Variants in RBFOX1 observed in about 807,000 individuals in gnomAD.
The protein encoded by RBFOX1 is RNA binding protein fox-1 homolog 1.
A neutral mutation model predicts 57.7 loss-of-function variants in RBFOX1; 8 were observed. The ratio of observed to expected loss-of-function variants is 0.14; its 90% CI spans 0.08 to 0.25. The LOEUF is 0.25. Ranked by LOEUF, RBFOX1 falls within the 10% of genes least tolerant of loss-of-function variation. The pLI is 1.00. For missense variants in RBFOX1, 611 were observed against 548.5 expected, an observed-to-expected ratio of 1.11 and a Z score of -1.14; for synonymous variants, 326 against 222.4, an observed-to-expected ratio of 1.47 and a Z score of -4.15.
chr16:6,686,355 T>C (rs1449781463), intron 3 of RBFOX1, among the ~76,000 whole-genome samples: 1 of 152,226 alleles, frequency 6.6e-6, no homozygotes, highest in East Asian at 1.9e-4. Context: ...CTTTGCTTTA[T>C]TGATGCTTCA....
intron 4 of RBFOX1, among the ~76,000 whole-genome samples, chr16:7,463,793 C>T (rs72771188): frequency 1.3e-5 from 2 of 152,142 alleles, no homozygotes; most frequent in Admixed American, 6.5e-5. Context: ...GCTCTGATAA[C>T]GACAACAGCT....
intron 1 of RBFOX1, among the ~76,000 whole-genome samples, chr16:6,258,555 C>T (rs2097682758): frequency 6.6e-6 from 1 of 152,188 alleles, no homozygotes; most frequent in Admixed American, 6.5e-5. Flanking sequence ...CTCCCTATTG[C>T]TTATCAGATC....
chr16:5,788,082 T>C lies in RBFOX1; in HGVS notation c.319-79221T>C, dbSNP rs186233947. On this transcript the variant is annotated intron_variant, in intron 3 of 19. Coordinates refer to the RBFOX1 transcript ENST00000641259. ...ACTTGTAGGGGTGTTGAAAAGATTG[T>C]CTGTGAGCCCTTCTTCCTAGGCGGA... 1.1e-3 allele frequency among the ~76,000 whole-genome samples: 169 copies of C among 152,286 alleles called. 2 individuals carry two copies. The highest frequency in any genetic ancestry group is 3.8e-3 in the African/African-American group (159 of 41,570).
chr16:5,838,798 G>A (rs2056540808), intron 3 of RBFOX1: 1 of 152,194 alleles, frequency 6.6e-6, no homozygotes. Context: ...TCTGCAAACA[G>A]TAGTTGTTAC....
chr16:5,778,799 C>G (rs1235855717), intron 3 of RBFOX1, among the ~76,000 whole-genome samples: 1 of 152,188 alleles, frequency 6.6e-6, no homozygotes, highest in Non-Finnish European at 1.5e-5. Context: ...ACTGTGCAAG[C>G]TCAGATAAAA....
chr16:7,038,121 A>T (rs1022609446), intron 3 of RBFOX1, among the ~76,000 whole-genome samples: 1 of 152,004 alleles, frequency 6.6e-6, no homozygotes, highest in Non-Finnish European at 1.5e-5. Flanking sequence ...GGATGTAGAG[A>T]GGGGGATGAT....
At chr16:5,608,658 G>A (rs777026205) in intron 3 of RBFOX1, among the ~76,000 whole-genome samples, 18 of 152,224 alleles carry the variant, frequency 1.2e-4, no homozygotes, top group Non-Finnish European at 2.2e-4. Context: ...GCTCTGTCCA[G>A]TTTGAGTGCT....
At chr16:6,642,914 A>G (rs1284243637) in intron 2 of RBFOX1, among the ~76,000 whole-genome samples, 4 of 152,094 alleles carry the variant, frequency 2.6e-5, no homozygotes, top group Non-Finnish European at 4.4e-5. Context: ...TTGTGTTGAG[A>G]TTTTACTTAG....
chr16:5,994,501 A>C (rs1305830465), intron 4 of RBFOX1, among the ~76,000 whole-genome samples: 1 of 152,174 alleles, frequency 6.6e-6, no homozygotes, highest in Non-Finnish European at 1.5e-5. Flanking sequence ...GATTTTTCCA[A>C]GTGGTCCTGG....
intron 14 of RBFOX1, among the ~76,000 whole-genome samples, chr16:7,694,410 G>C (rs1453458797): frequency 6.6e-6 from 1 of 152,206 alleles, no homozygotes; most frequent in Admixed American, 6.5e-5. Context: ...AGGACAGAGA[G>C]CTAGGAACAT....
At chr16:6,012,438 C>T (rs546965096) in intron 4 of RBFOX1, among the ~76,000 whole-genome samples, 1 of 152,284 alleles carries the variant, frequency 6.6e-6, no homozygotes, top group African/African-American at 2.4e-5. Context: ...TTGGGGAGCA[C>T]TTGGAAATAT....
At chr16:7,280,868 A>G (rs1029754661) in intron 4 of RBFOX1, among the ~76,000 whole-genome samples, 1 of 151,810 alleles carries the variant, frequency 6.6e-6, no homozygotes, top group South Asian at 2.1e-4. Context: ...CCGCTATCCT[A>G]TGGCCATATT....
At chr16:7,589,912 G>GGTGTGGGTGTGT in intron 7 of RBFOX1, among the ~76,000 whole-genome samples, 1 of 135,054 alleles carries the variant, frequency 7.4e-6, no homozygotes, top group Middle Eastern at 3.8e-3. Flanking sequence ...GTGTGTGCTG[G>GGTGTGGGTGTGT]GTGTGTGTGT....
chr16:5,777,344 T>A (rs967836233), intron 3 of RBFOX1, among the ~76,000 whole-genome samples: 2 of 152,222 alleles, frequency 1.3e-5, no homozygotes, highest in Non-Finnish European at 2.9e-5. Flanking sequence ...ACCCTAGTGA[T>A]TCCATTGGCC....
intron 4 of RBFOX1, among the ~76,000 whole-genome samples, chr16:7,460,389 A>ATATATATATATGTGTG: frequency 3.7e-4 from 32 of 87,210 alleles, no homozygotes; most frequent in East Asian, 2.1e-3. Flanking sequence ...ATATATATAT[A>ATATATATATATGTGTG]TGTGTGTGTG....
At chr16:5,656,671 C>T (rs1002738472) in intron 3 of RBFOX1, among the ~76,000 whole-genome samples, 3 of 152,152 alleles carry the variant, frequency 2.0e-5, no homozygotes, top group East Asian at 3.8e-4. Flanking sequence ...TATAGCCATA[C>T]CCAAGGATTC....
chr16:7,701,022 T>C (rs1016995461), intron 14 of RBFOX1, among the ~76,000 whole-genome samples: 2 of 152,174 alleles, frequency 1.3e-5, no homozygotes, highest in African/African-American at 2.4e-5. Flanking sequence ...GCTTCTCATG[T>C]AGGGTCTAAA....
At chr16:6,332,909 T>A (rs907361791) in intron 2 of RBFOX1, among the ~76,000 whole-genome samples, 2 of 152,202 alleles carry the variant, frequency 1.3e-5, no homozygotes, top group Non-Finnish European at 2.9e-5. Flanking sequence ...ATGATCAATA[T>A]ATTAGCTACA....
chr16:6,669,873 T>C (rs1316396184), intron 3 of RBFOX1, among the ~76,000 whole-genome samples: 1 of 152,030 alleles, frequency 6.6e-6, no homozygotes, highest in Admixed American at 6.6e-5. Flanking sequence ...GCCAGGGAGG[T>C]AGACGGCACT....
Sources: gnomAD v4.1 joint callset for allele counts (sites outside exome capture counted in the v4.1 genomes callset) on GRCh38, gnomAD v4.1.1 for gene constraint, MANE v1.5 for transcripts, NCBI Gene and HGNC (gene_info 2026-07-23, HGNC 2026-07-21) for gene names.